Variants in GNB4 observed in about 807,000 individuals in gnomAD.
GNB4 encodes G protein subunit beta 4.
Under a neutral mutation model 45.2 loss-of-function variants are expected in GNB4, and 28 were observed. The ratio of observed to expected loss-of-function variants is 0.62; its 90% confidence interval spans 0.46 to 0.85. The LOEUF (loss-of-function observed/expected upper bound fraction) is 0.85, where lower values mean the gene tolerates loss of function less well. Ranked by LOEUF, GNB4 falls within the 40% of genes least tolerant of loss-of-function variation. The probability of loss-of-function intolerance (pLI) is 0.00; values close to 1 mark genes in which losing one functional copy is unlikely to be tolerated. For missense variants in GNB4, 321 were observed against 425.4 expected (o/e 0.75, Z 2.16); for synonymous variants, 132 against 143.7 (o/e 0.92, Z 0.58).
the GNB4 span, among the ~76,000 whole-genome samples, chr3:179,507,908 G>A: frequency 1.3e-5 from 2 of 152,194 alleles, no homozygotes; most frequent in Non-Finnish European, 2.9e-5. Context: ...AAACGTTGAT[G>A]TTAACTGAAT....
At chr3:179,513,188 A>AT in the GNB4 span, among the ~76,000 whole-genome samples, 16 of 98,150 alleles carry the variant, frequency 1.6e-4, no homozygotes, top group Non-Finnish European at 2.3e-4. Context: ...CATGTGCAGC[A>AT]ATTTTTTTTT....
chr3:179,424,672 A>C (rs539155991), intron 2 of GNB4, among the ~76,000 whole-genome samples: 3 of 152,224 alleles, frequency 2.0e-5, no homozygotes, highest in African/African-American at 4.8e-5. Flanking sequence ...TGGTGTGATC[A>C]TGGTTCACTG....
At chr3:179,500,223 A>C in the GNB4 span, among the ~76,000 whole-genome samples, 5 of 152,306 alleles carry the variant, frequency 3.3e-5, no homozygotes, top group East Asian at 9.6e-4. Context: ...TAGGTCTTAC[A>C]TTTAAGTCTT....
the GNB4 span, among the ~76,000 whole-genome samples, chr3:179,493,756 G>T: frequency 6.6e-6 from 1 of 152,128 alleles, no homozygotes; most frequent in Admixed American, 6.5e-5. Context: ...AGGCTGAAGT[G>T]CAAAAGAAGA....
chr3:179,465,819 T>C, the GNB4 span, among the ~76,000 whole-genome samples: 4 of 117,464 alleles, frequency 3.4e-5, no homozygotes, highest in African/African-American at 1.3e-4. Context: ...TTCTTCTTCT[T>C]CTTCTTTTTT....
rs536104872 is a variant in GNB4, at chr3:179,430,109, GACAGACAA to G, written c.-42-3875_-42-3868del. Among the ~76,000 whole-genome samples the G allele has an allele frequency of 9.9e-3, 1,363 of 138,194 alleles. 21 individuals carry two copies. The highest frequency in any genetic ancestry group is 0.036 in the African/African-American group (1,310 of 36,166). 90.7% of individuals were successfully genotyped at this position (138,194 alleles called of 152,430 possible). ...AGACAGACAGACAGACAGACAGACA[GACAGACAA>G]AGGCCTCACTCTGCTGCCCAGGCTG... On this transcript the variant is annotated intron_variant, in intron 1 of 9. Coordinates refer to ENST00000232564, the MANE Select transcript of GNB4 (RefSeq NM_021629.4).
At chr3:179,480,762 T>C in the GNB4 span, among the ~76,000 whole-genome samples, 3 of 152,166 alleles carry the variant, frequency 2.0e-5, no homozygotes, top group Non-Finnish European at 4.4e-5. Context: ...ATTTATCTCC[T>C]GGTCAGTCAG....
the GNB4 span, among the ~76,000 whole-genome samples, chr3:179,475,180 C>A: frequency 6.6e-6 from 1 of 151,938 alleles, no homozygotes; most frequent in East Asian, 1.9e-4. Flanking sequence ...TGCAGTGGCA[C>A]AATCTCAGCT....
chr3:179,489,000 A>T, the GNB4 span, among the ~76,000 whole-genome samples: 160 of 34,030 alleles, frequency 4.7e-3, 5 homozygotes, highest in African/African-American at 0.024. Flanking sequence ...AAAAAAAAAA[A>T]AAAAAAAAAA....
intron 1 of GNB4, among the ~76,000 whole-genome samples, chr3:179,443,998 ACT>A (rs556268575): frequency 2.9e-4 from 44 of 152,232 alleles, no homozygotes; most frequent in African/African-American, 9.9e-4. Context: ...ATCCTACAAC[ACT>A]CTCTATCACA....
chr3:179,452,304 G>C (rs760916633), upstream of GNB4: 3 of 151,650 alleles, frequency 2.0e-5, no homozygotes, highest in African/African-American at 7.3e-5. Flanking sequence ...TTCCTCTGAA[G>C]TCAGTACCGC....
intron 9 of GNB4, among the ~76,000 whole-genome samples, chr3:179,404,018 AATACC>A (rs951067257): frequency 2.0e-5 from 3 of 152,108 alleles, no homozygotes; most frequent in Non-Finnish European, 4.4e-5. Context: ...AGGCTCACTA[AATACC>A]CAGCACAATG....
the GNB4 span, among the ~76,000 whole-genome samples, chr3:179,476,345 G>A: frequency 2.9e-4 from 44 of 152,216 alleles, no homozygotes; most frequent in Non-Finnish European, 8.8e-5. Context: ...CGGGGTTGAG[G>A]TTAGGCCTCC....
At chr3:179,434,767 G>T (rs1715401079) in intron 1 of GNB4, among the ~76,000 whole-genome samples, 2 of 151,290 alleles carry the variant, frequency 1.3e-5, no homozygotes, top group Non-Finnish European at 2.9e-5. Flanking sequence ...ACACAAGCTG[G>T]ATGCAGTGGA....
At chr3:179,441,579 C>T (rs1715594100) in intron 1 of GNB4, among the ~76,000 whole-genome samples, 1 of 151,740 alleles carries the variant, frequency 6.6e-6, no homozygotes, top group African/African-American at 2.4e-5. Context: ...ACTAAAAATA[C>T]AAAAACAAAC....
the GNB4 span, among the ~76,000 whole-genome samples, chr3:179,514,614 C>T: frequency 6.6e-6 from 1 of 152,046 alleles, no homozygotes; most frequent in Admixed American, 6.6e-5. Context: ...AAGAGTGGTG[C>T]CCTAATCTAA....
In GNB4 at chr3:179,400,164, G is replaced by A. The variant is rs1257917460; in HGVS notation, c.*1049C>T. 6.6e-6 allele frequency: 1 copy of A among 152,190 alleles called. No homozygotes were observed. The highest frequency in any genetic ancestry group is 6.5e-5 in the Admixed American group (1 of 15,272). The allele number at this position is 152,190 out of a possible 1,614,324, so 9.4% of individuals were successfully genotyped here. Reference sequence around the variant, plus strand: ...AAGGTTTAAGAAATTTAAAGGCACAGATATTTCACATCAATTCAGATTTTA... The same window carrying A: ...AAGGTTTAAGAAATTTAAAGGCACAAATATTTCACATCAATTCAGATTTTA... On this transcript the variant is annotated 3_prime_UTR_variant, in exon 10 of 10. Transcript: ENST00000232564.
the GNB4 span, among the ~76,000 whole-genome samples, chr3:179,523,629 T>A: frequency 5.9e-5 from 9 of 152,174 alleles, no homozygotes; most frequent in South Asian, 1.7e-3. Flanking sequence ...AACAGGTGAG[T>A]GATAATGAGT....
At chr3:179,462,621 T>C in the GNB4 span, among the ~76,000 whole-genome samples, 536 of 152,202 alleles carry the variant, frequency 3.5e-3, 1 homozygote, top group Non-Finnish European at 6.2e-3. Context: ...GGCAAATCAC[T>C]TGAGGTCAGA....
Sources: gnomAD v4.1 joint callset for allele counts (sites outside exome capture counted in the v4.1 genomes callset) on GRCh38, gnomAD v4.1.1 for gene constraint, MANE v1.5 for transcripts, NCBI Gene and HGNC (gene_info 2026-07-23, HGNC 2026-07-21) for gene names.